LYPD6B: variants seen among roughly 807,000 people sequenced by gnomAD.
The protein encoded by LYPD6B is ly6/PLAUR domain-containing protein 6B.
Under a neutral mutation model 22.8 loss-of-function variants are expected in LYPD6B, and 17 were observed. The ratio of observed to expected loss-of-function variants is 0.75; its 90% CI spans 0.51 to 1.12. The LOEUF is 1.12. LYPD6B is among the 50% of genes most tolerant of loss of function. LYPD6B has a pLI of 0.00. For missense variants in LYPD6B, 221 were observed against 258.3 expected (o/e 0.86, Z 0.99); for synonymous variants, 106 against 91.6 (o/e 1.16, Z -0.90).
intron 2 of LYPD6B, among the ~76,000 whole-genome samples, chr2:149,155,522 G>C (rs1032404851): frequency 6.6e-6 from 1 of 152,170 alleles, no homozygotes; most frequent in Non-Finnish European, 1.5e-5. Context: ...TAATAGCAAA[G>C]GAAATTTCAT....
At chr2:149,044,874 G>A (rs1683240537) in intron 1 of LYPD6B, among the ~76,000 whole-genome samples, 1 of 151,920 alleles carries the variant, frequency 6.6e-6, no homozygotes, top group South Asian at 2.1e-4. Context: ...AACCATATGA[G>A]TTTTCTTAAT....
intron 3 of LYPD6B, among the ~76,000 whole-genome samples, chr2:149,186,498 G>T (rs1692114144): frequency 1.3e-5 from 2 of 152,238 alleles, no homozygotes; most frequent in Admixed American, 1.3e-4. Flanking sequence ...TAACATAAAA[G>T]TGCAAGGTGA....
intron 1 of LYPD6B, among the ~76,000 whole-genome samples, chr2:149,091,750 A>T (rs1400869490): frequency 6.6e-6 from 1 of 152,140 alleles, no homozygotes; most frequent in African/African-American, 2.4e-5. Flanking sequence ...CATTTATGAG[A>T]TGTCTCCTGT....
chr2:149,147,906 C>CTGTGTATGTGTGTGTGTG (rs1689132029), intron 2 of LYPD6B, among the ~76,000 whole-genome samples: 1 of 139,018 alleles, frequency 7.2e-6, no homozygotes, highest in African/African-American at 2.7e-5. Flanking sequence ...GCACATGGGC[C>CTGTGTATGTGTGTGTGTG]TGTGTGTGTG....
chr2:149,132,834 C>A (rs1401418666), intron 2 of LYPD6B, among the ~76,000 whole-genome samples: 2 of 152,134 alleles, frequency 1.3e-5, no homozygotes, highest in Admixed American at 1.3e-4. Context: ...TAGATTGTTT[C>A]AAAGTCTGTC....
chr2:149,073,752 G>A (rs1684753616), intron 1 of LYPD6B, among the ~76,000 whole-genome samples: 1 of 151,992 alleles, frequency 6.6e-6, no homozygotes, highest in Admixed American at 6.6e-5. Context: ...TCTGCAGGCA[G>A]GGTGATGCAC....
At chr2:149,171,206 G>C (rs976613572) in intron 3 of LYPD6B, among the ~76,000 whole-genome samples, 8 of 152,182 alleles carry the variant, frequency 5.3e-5, no homozygotes, top group Non-Finnish European at 1.2e-4. Context: ...ATTCCTGTGT[G>C]AAATAGGAAG....
At chr2:149,040,184 C>T (rs1438589695) in intron 1 of LYPD6B, among the ~76,000 whole-genome samples, 5 of 150,920 alleles carry the variant, frequency 3.3e-5, no homozygotes, top group South Asian at 4.2e-4. Context: ...CTTCTCTATC[C>T]GTATAGCAGT....
intron 3 of LYPD6B, among the ~76,000 whole-genome samples, chr2:149,189,709 C>G (rs1002179890): frequency 1.3e-5 from 2 of 152,036 alleles, no homozygotes; most frequent in African/African-American, 4.8e-5. Context: ...TCTTCCTTAC[C>G]TTCATTCTTA....
At chr2:149,067,234 G>A (rs988688583) in intron 1 of LYPD6B, among the ~76,000 whole-genome samples, 3 of 152,050 alleles carry the variant, frequency 2.0e-5, no homozygotes, top group African/African-American at 7.2e-5. Context: ...GAGAAGCGCT[G>A]CTACATAATA....
At chr2:149,067,463 A>T (rs1201231098) in intron 1 of LYPD6B, among the ~76,000 whole-genome samples, 2 of 152,106 alleles carry the variant, frequency 1.3e-5, no homozygotes, top group Admixed American at 6.6e-5. Context: ...GAAAAGTGAA[A>T]AGTAAAAAGC....
intron 2 of LYPD6B, among the ~76,000 whole-genome samples, chr2:149,138,564 C>T (rs1688502415): frequency 6.6e-6 from 1 of 152,142 alleles, no homozygotes; most frequent in Non-Finnish European, 1.5e-5. Context: ...TAAGTAGACA[C>T]AGGGTCTTGC....
chr2:149,077,436 A>AT (rs1684927548), intron 1 of LYPD6B: 3 of 151,184 alleles, frequency 2.0e-5, no homozygotes, highest in Non-Finnish European at 2.9e-5. Flanking sequence ...ATACATTTTG[A>AT]TTTTTGTTTT....
chr2:149,209,753 AGT>A (rs1303922893), intron 5 of LYPD6B, among the ~76,000 whole-genome samples: 3 of 152,218 alleles, frequency 2.0e-5, no homozygotes, highest in Non-Finnish European at 4.4e-5. Flanking sequence ...CCATGTGGAC[AGT>A]GTTTTTTGTT....
At chr2:149,062,678 A>C (rs747740067) in intron 1 of LYPD6B, among the ~76,000 whole-genome samples, 2 of 152,136 alleles carry the variant, frequency 1.3e-5, no homozygotes, top group Non-Finnish European at 2.9e-5. Flanking sequence ...CAGAAATCTT[A>C]AAGGTGCAAT....
At chr2:149,039,067 G>A (rs1171487368) in intron 1 of LYPD6B, among the ~76,000 whole-genome samples, 1 of 151,906 alleles carries the variant, frequency 6.6e-6, no homozygotes, top group Admixed American at 6.5e-5. Flanking sequence ...CCGGGGCAAG[G>A]CTGGAGCGGT....
chr2:149,094,475 A>G (rs1391523850), intron 1 of LYPD6B, among the ~76,000 whole-genome samples: 2 of 152,224 alleles, frequency 1.3e-5, no homozygotes, highest in African/African-American at 4.8e-5. Flanking sequence ...GCTGGTGGAA[A>G]TGAACAGGTC....
intron 1 of LYPD6B, among the ~76,000 whole-genome samples, chr2:149,066,231 G>T (rs540852542): frequency 6.6e-6 from 1 of 151,670 alleles, no homozygotes; most frequent in Admixed American, 6.6e-5. Flanking sequence ...CAACGTACAG[G>T]TTTGTTACAT....
At chr2:149,186,965 T>A (rs948118176) in intron 3 of LYPD6B, among the ~76,000 whole-genome samples, 2 of 152,146 alleles carry the variant, frequency 1.3e-5, no homozygotes, top group Admixed American at 6.5e-5. Flanking sequence ...CCCTGATGAG[T>A]CAGCAGCCAT....
Sources: gnomAD v4.1 joint callset for allele counts (sites outside exome capture counted in the v4.1 genomes callset) on GRCh38, gnomAD v4.1.1 for gene constraint, MANE v1.5 for transcripts, NCBI Gene and HGNC (gene_info 2026-07-23, HGNC 2026-07-21) for gene names.